IPO11: variants seen among roughly 807,000 people sequenced by gnomAD.
The protein encoded by IPO11 is importin-11.
A neutral mutation model predicts 143.2 loss-of-function variants in IPO11; 66 were observed. The ratio of observed to expected loss-of-function variants is 0.46; its 90% CI spans 0.38 to 0.57. IPO11 has a LOEUF of 0.57. Among genes scored for constraint, IPO11 ranks in the 20% least tolerant of loss-of-function variants. IPO11 has a pLI of 0.00. For synonymous variants in IPO11, 385 were observed against 377.8 expected (o/e 1.02, Z -0.22); for missense variants, 1,026 against 1,141.0 (o/e 0.90, Z 1.45).
Position 62,453,976 on chromosome 5 carries a change from C to G in IPO11, c.516+2043C>G, listed in dbSNP as rs185934121. Among the ~76,000 whole-genome samples, 1,002 of 146,106 alleles carry G rather than the reference C, an allele frequency of 6.9e-3. 19 individuals carry two copies. Among genetic ancestry groups the G allele is most frequent in the African/African-American group, 0.024 (958 of 39,916 alleles). On this transcript the variant is annotated intron_variant, in intron 5 of 29. Transcript: ENST00000325324. ...TGAAACCCTATCTCTACTAAAAATACAAAAAAAAAATAGCCGGGCGTGGTG... is the reference window on the plus strand; with the variant it reads ...TGAAACCCTATCTCTACTAAAAATAGAAAAAAAAAATAGCCGGGCGTGGTG...
chr5:62,538,848 A>T (rs775755508), intron 24 of IPO11, among the ~76,000 whole-genome samples: 1 of 152,170 alleles, frequency 6.6e-6, no homozygotes, highest in East Asian at 1.9e-4. Context: ...GTTTTTATTC[A>T]CTGTCGTAAC....
intron 8 of IPO11, 100 bp from the exon 9 acceptor site, chr5:62,476,583 A>G (rs1745964300): frequency 4.8e-6 from 6 of 1,256,244 alleles, no homozygotes; most frequent in African/African-American, 1.6e-5. Flanking sequence ...AATGCAAAAT[A>G]TGCAAAAATA....
At chr5:62,508,882 T>G (rs976081327) in intron 19 of IPO11, among the ~76,000 whole-genome samples, 5 of 152,124 alleles carry the variant, frequency 3.3e-5, no homozygotes, top group African/African-American at 4.8e-5. Context: ...TGTGGTAGTT[T>G]GCTGAGAATG....
At chr5:62,517,524 T>A (rs1214482665) in intron 20 of IPO11, among the ~76,000 whole-genome samples, 2 of 152,156 alleles carry the variant, frequency 1.3e-5, no homozygotes, top group Non-Finnish European at 2.9e-5. Flanking sequence ...TGCCTCATCC[T>A]CCAGAGTAGC....
intron 26 of IPO11, among the ~76,000 whole-genome samples, chr5:62,555,116 A>G (rs976985839): frequency 4.0e-5 from 6 of 151,866 alleles, no homozygotes; most frequent in Non-Finnish European, 5.9e-5. Flanking sequence ...GTCCCATACA[A>G]ATTTTTTTTT....
intron 3 of IPO11, among the ~76,000 whole-genome samples, chr5:62,448,703 A>G (rs1375906714): frequency 3.3e-5 from 5 of 152,016 alleles, no homozygotes; most frequent in African/African-American, 4.8e-5. Flanking sequence ...GGTGTATGCC[A>G]CCATGTTCTG....
chr5:62,525,369 TG>T (rs570303911), intron 20 of IPO11, among the ~76,000 whole-genome samples: 12,167 of 133,314 alleles, frequency 0.091, 450 homozygotes, highest in South Asian at 0.15. Flanking sequence ...TTTTTTTTTT[TG>T]TGTGTGTGTG....
intron 21 of IPO11, 93 bp downstream of exon 21, chr5:62,526,350 T>C: frequency 4.9e-6 from 4 of 811,904 alleles, no homozygotes; most frequent in Non-Finnish European, 8.0e-6. Flanking sequence ...AATAGGGCTT[T>C]AAAAACAGAA....
intron 16 of IPO11, among the ~76,000 whole-genome samples, chr5:62,497,667 C>T (rs900047470): frequency 3.9e-5 from 6 of 152,200 alleles, no homozygotes; most frequent in African/African-American, 9.7e-5. Flanking sequence ...CGAGGTCTCA[C>T]TGTGTTGGCC....
At chr5:62,533,336 C>T (rs1395022875) in intron 22 of IPO11, among the ~76,000 whole-genome samples, 4 of 151,834 alleles carry the variant, frequency 2.6e-5, no homozygotes, top group East Asian at 1.9e-4. Context: ...CTCAGCCTCC[C>T]GAGTAGCTGG....
intron 24 of IPO11, among the ~76,000 whole-genome samples, chr5:62,548,028 CCT>C (rs746317888): frequency 2.0e-5 from 3 of 151,184 alleles, no homozygotes; most frequent in African/African-American, 7.4e-5. Flanking sequence ...AAATAACACC[CCT>C]GTGTTGTTCC....
intron 19 of IPO11, among the ~76,000 whole-genome samples, chr5:62,511,730 T>C (rs1741753587): frequency 1.3e-5 from 2 of 152,312 alleles, no homozygotes; most frequent in Middle Eastern, 3.4e-3. Flanking sequence ...TCTAGTGTTA[T>C]TTCATCCCCA....
At chr5:62,528,446 G>C (rs912026313) in intron 21 of IPO11, among the ~76,000 whole-genome samples, 7 of 152,300 alleles carry the variant, frequency 4.6e-5, no homozygotes, top group Non-Finnish European at 7.3e-5. Context: ...ACTATTAAGA[G>C]GAGCATAGAC....
intron 26 of IPO11, among the ~76,000 whole-genome samples, chr5:62,555,001 C>T (rs1743522287): frequency 1.3e-5 from 2 of 152,324 alleles, no homozygotes; most frequent in Admixed American, 6.5e-5. Flanking sequence ...AGGCATGAGC[C>T]GCTGCACCCA....
chr5:62,501,929 A>G (rs1741360231), intron 16 of IPO11, among the ~76,000 whole-genome samples: 1 of 152,158 alleles, frequency 6.6e-6, no homozygotes, highest in Non-Finnish European at 1.5e-5. Context: ...TCTGGCCCCA[A>G]CACCATGCTC....
chr5:62,498,028 T>TTTG (rs1241358829), intron 16 of IPO11, among the ~76,000 whole-genome samples: 1 of 151,580 alleles, frequency 6.6e-6, no homozygotes, highest in African/African-American at 2.4e-5. Flanking sequence ...GTTTTTTTTT[T>TTTG]TTGTTGTTGT....
chr5:62,551,986 C>T (rs888315763), intron 26 of IPO11, among the ~76,000 whole-genome samples: 13 of 152,090 alleles, frequency 8.5e-5, no homozygotes, highest in South Asian at 2.1e-4. Context: ...TAGCCCGGCG[C>T]GGTTGCGGGC....
At chr5:62,515,159 C>T (rs1413509858) in intron 19 of IPO11, among the ~76,000 whole-genome samples, 3 of 152,114 alleles carry the variant, frequency 2.0e-5, no homozygotes, top group African/African-American at 7.2e-5. Flanking sequence ...TTATTTCATT[C>T]AGTACACTTG....
At chr5:62,525,287 T>C (rs1041754605) in intron 20 of IPO11, among the ~76,000 whole-genome samples, 10 of 152,204 alleles carry the variant, frequency 6.6e-5, no homozygotes, top group African/African-American at 1.7e-4. Context: ...GGAATTGTTA[T>C]ACACACTTCT....
Sources: allele counts gnomAD v4.1 joint callset (sites outside exome capture counted in the v4.1 genomes callset), GRCh38; gene constraint gnomAD v4.1.1; transcripts MANE v1.5; gene names NCBI Gene and HGNC (gene_info 2026-07-23, HGNC 2026-07-21).